The following GRXCR1 variants were observed in gnomAD, a reference collection of about 807,000 sequenced individuals.
GRXCR1 encodes glutaredoxin and cysteine rich domain containing 1, also known as glutaredoxin domain-containing cysteine-rich protein 1.
GRXCR1 carries 27 observed loss-of-function variants against 27.3 expected under a neutral mutation model. The observed-to-expected ratio is 0.99, with a 90% CI of 0.73 to 1.37. GRXCR1 has a LOEUF of 1.37. Ranked by LOEUF, GRXCR1 falls within the 40% of genes most tolerant of loss-of-function variation. The probability of loss-of-function intolerance (pLI) is 0.00; values close to 1 mark genes in which losing one functional copy is unlikely to be tolerated. For missense variants in GRXCR1, 379 were observed against 354.4 expected, an observed-to-expected ratio of 1.07 and a Z score of -0.56; for synonymous variants, 122 against 131.1, an observed-to-expected ratio of 0.93 and a Z score of 0.47.
chr4:42,912,077 T>C (rs1746733070), intron 1 of GRXCR1, among the ~76,000 whole-genome samples: 1 of 152,158 alleles, frequency 6.6e-6, no homozygotes, highest in African/African-American at 2.4e-5. Flanking sequence ...TTTCCCTGGA[T>C]AATTGACATT....
intron 2 of GRXCR1, among the ~76,000 whole-genome samples, chr4:43,019,225 A>G (rs1172589580): frequency 2.0e-5 from 3 of 152,006 alleles, no homozygotes; most frequent in East Asian, 1.9e-4. Flanking sequence ...TTGTTTATTC[A>G]TTATTCATTT....
intron 1 of GRXCR1, among the ~76,000 whole-genome samples, chr4:42,919,635 C>G (rs1168066641): frequency 6.6e-6 from 1 of 152,050 alleles, no homozygotes; most frequent in Admixed American, 6.6e-5. Context: ...ACTCAATTCA[C>G]CAGGCCATGT....
chr4:42,936,805 T>A (rs2109760442), intron 1 of GRXCR1, among the ~76,000 whole-genome samples: 1 of 152,018 alleles, frequency 6.6e-6, no homozygotes, highest in African/African-American at 2.4e-5. Context: ...TAGATTATGG[T>A]TATGTGTCTT....
rs745784596 is a variant in GRXCR1 at position 42,990,173 on chromosome 4, CTTTTTTTTTTTTTTTTTTTTTT to C, written c.627+27054_627+27075del. ...AACTTCTTGAATTGAATTATTAGTT[CTTTTTTTTTTTTTTTTTTTTTT>C]TTTTTTTTTTTTTTGAGACGGAGTC... On this transcript the variant is annotated intron_variant, in intron 2 of 3. Transcript: ENST00000399770. Among the ~76,000 whole-genome samples, 20 of 46,232 alleles carry C rather than the reference CTTTTTTTTTTTTTTTTTTTTTT, an allele frequency of 4.3e-4. 1 individual carries two copies. Among genetic ancestry groups the C allele is most frequent in the Admixed American group, 1.5e-3 (4 of 2,756 alleles). The allele number at this position is 46,232 out of a possible 152,430, so 30.3% of individuals were successfully genotyped here. A position where few individuals can be genotyped will look rare whatever the true frequency, so the allele number is the denominator to read the frequency against.
chr4:43,024,887 C>A (rs1713205566), intron 3 of GRXCR1, among the ~76,000 whole-genome samples: 1 of 152,086 alleles, frequency 6.6e-6, no homozygotes, highest in Non-Finnish European at 1.5e-5. Flanking sequence ...GGTAATACTG[C>A]TTCATAGACA....
At chr4:42,971,206 A>G (rs973237373) in intron 2 of GRXCR1, among the ~76,000 whole-genome samples, 18 of 152,156 alleles carry the variant, frequency 1.2e-4, no homozygotes, top group African/African-American at 4.3e-4. Flanking sequence ...GGTCAAGTCC[A>G]TTCAACAAGT....
chr4:42,908,443 G>A (rs1746646555), intron 1 of GRXCR1, among the ~76,000 whole-genome samples: 1 of 152,202 alleles, frequency 6.6e-6, no homozygotes, highest in Non-Finnish European at 1.5e-5. Flanking sequence ...CTTTTCGGTT[G>A]AAGCTGGCCA....
At chr4:42,981,732 C>T (rs1595189) in intron 2 of GRXCR1, among the ~76,000 whole-genome samples, 1 of 152,064 alleles carries the variant, frequency 6.6e-6, no homozygotes, top group African/African-American at 2.4e-5. Flanking sequence ...TTTTTCTCTT[C>T]AGTACTTTTA....
chr4:42,905,894 C>A (rs1268365770), intron 1 of GRXCR1, among the ~76,000 whole-genome samples: 1 of 152,136 alleles, frequency 6.6e-6, no homozygotes, highest in African/African-American at 2.4e-5. Context: ...AGCTGATGAA[C>A]AAACAAGCAA....
chr4:42,984,913 GC>G (rs1483812110), intron 2 of GRXCR1, among the ~76,000 whole-genome samples: 1 of 152,106 alleles, frequency 6.6e-6, no homozygotes, highest in Non-Finnish European at 1.5e-5. Flanking sequence ...ACATGTACCA[GC>G]CTGGAGTCTG....
At chr4:42,932,584 A>T in intron 1 of GRXCR1, among the ~76,000 whole-genome samples, 1 of 28,112 alleles carries the variant, frequency 3.6e-5, no homozygotes, top group Non-Finnish European at 6.2e-5. Context: ...TTCCATATAT[A>T]TATATATATA....
chr4:42,981,760 T>A (rs1025405053), intron 2 of GRXCR1, among the ~76,000 whole-genome samples: 34 of 152,148 alleles, frequency 2.2e-4, no homozygotes, highest in African/African-American at 7.7e-4. Flanking sequence ...ATCCCCACTC[T>A]CTCCTTGTCT....
chr4:43,022,113 A>G (rs1048659436), intron 3 of GRXCR1, among the ~76,000 whole-genome samples: 11 of 152,190 alleles, frequency 7.2e-5, no homozygotes, highest in African/African-American at 2.7e-4. Context: ...ACATTATTAT[A>G]TACCTTTTTA....
intron 1 of GRXCR1, among the ~76,000 whole-genome samples, chr4:42,959,213 A>G (rs1748074719): frequency 6.6e-6 from 1 of 152,018 alleles, no homozygotes; most frequent in Non-Finnish European, 1.5e-5. Context: ...AAATTGTGGT[A>G]TATATAAACA....
At chr4:42,909,474 C>T (rs924465224) in intron 1 of GRXCR1, among the ~76,000 whole-genome samples, 2 of 152,160 alleles carry the variant, frequency 1.3e-5, no homozygotes, top group South Asian at 4.1e-4. Context: ...AAACAAAACA[C>T]AAAACAAACT....
chr4:42,933,800 T>C (rs1747388623), intron 1 of GRXCR1, among the ~76,000 whole-genome samples: 1 of 151,886 alleles, frequency 6.6e-6, no homozygotes. Context: ...ACATCCCAGC[T>C]TTCAGAACTG....
intron 1 of GRXCR1, among the ~76,000 whole-genome samples, chr4:42,934,101 A>T (rs1424942355): frequency 1.3e-5 from 2 of 151,862 alleles, no homozygotes; most frequent in Non-Finnish European, 2.9e-5. Context: ...AGGAGCAGAC[A>T]ACTTGTGGAC....
At chr4:42,921,035 C>T (rs1356326515) in intron 1 of GRXCR1, among the ~76,000 whole-genome samples, 6 of 152,086 alleles carry the variant, frequency 3.9e-5, no homozygotes, top group African/African-American at 1.4e-4. Context: ...CTGCAATGGT[C>T]TGAATGTGTC....
At chr4:42,893,687 C>A in intron 1 of GRXCR1, 37 bp downstream of exon 1, 3 of 1,597,860 alleles carry the variant, frequency 1.9e-6, no homozygotes, top group Non-Finnish European at 1.7e-6. Context: ...GCTCTTTGTT[C>A]CTAACTCACC....
Sources: gnomAD v4.1 joint callset for allele counts (sites outside exome capture counted in the v4.1 genomes callset) on GRCh38, gnomAD v4.1.1 for gene constraint, MANE v1.5 for transcripts, NCBI Gene and HGNC (gene_info 2026-07-23, HGNC 2026-07-21) for gene names.